ADGRL3: variants seen among roughly 807,000 people sequenced by gnomAD.
ADGRL3 encodes adhesion G protein-coupled receptor L3, also known as calcium-independent alpha-latrotoxin receptor 3.
ADGRL3 carries 62 observed loss-of-function variants against 153.5 expected under a neutral mutation model. The observed-to-expected ratio is 0.40, with a 90% CI of 0.33 to 0.50. ADGRL3 has a LOEUF of 0.50. Ranked by LOEUF, ADGRL3 falls within the 20% of genes least tolerant of loss-of-function variation. ADGRL3 has a pLI of 0.47. For missense variants in ADGRL3, 1,641 were observed against 1,859.4 expected (o/e 0.88, Z 2.16); for synonymous variants, 710 against 672.5 (o/e 1.06, Z -0.86).
intron 6 of ADGRL3, among the ~76,000 whole-genome samples, chr4:61,730,240 G>A (rs978649070): frequency 1.3e-5 from 2 of 151,892 alleles, no homozygotes; most frequent in African/African-American, 2.4e-5. Flanking sequence ...ATTTATAAGT[G>A]AGACTAGTCA....
chr4:61,213,276 T>C (rs1740995410), intron 1 of ADGRL3, among the ~76,000 whole-genome samples: 1 of 152,184 alleles, frequency 6.6e-6, no homozygotes, highest in East Asian at 1.9e-4. Flanking sequence ...CCTTCTATGT[T>C]AATTCCTTGC....
At chr4:61,694,170 T>G (rs2095591566) in intron 6 of ADGRL3, among the ~76,000 whole-genome samples, 1 of 141,128 alleles carries the variant, frequency 7.1e-6, no homozygotes, top group African/African-American at 2.6e-5. Context: ...ATTTTAAAAT[T>G]TTGTCATTAT....
At chr4:61,361,246 A>T (rs1355737294) in intron 1 of ADGRL3, among the ~76,000 whole-genome samples, 1 of 152,144 alleles carries the variant, frequency 6.6e-6, no homozygotes, top group Non-Finnish European at 1.5e-5. Flanking sequence ...AATAATAATT[A>T]TATCATCTGT....
At chr4:62,009,540 A>C (rs908870164) in intron 21 of ADGRL3, among the ~76,000 whole-genome samples, 1 of 152,280 alleles carries the variant, frequency 6.6e-6, no homozygotes, top group African/African-American at 2.4e-5. Context: ...AAAAGAGACT[A>C]AATAGAAATG....
chr4:61,372,793 C>T (rs1362650354), intron 1 of ADGRL3, among the ~76,000 whole-genome samples: 1 of 152,178 alleles, frequency 6.6e-6, no homozygotes, highest in Non-Finnish European at 1.5e-5. Flanking sequence ...TTTACCTAAG[C>T]AAGCCTGGGC....
chr4:61,253,483 GA>G (rs759084272), intron 1 of ADGRL3, among the ~76,000 whole-genome samples: 1 of 151,846 alleles, frequency 6.6e-6, no homozygotes, highest in Non-Finnish European at 1.5e-5. Flanking sequence ...CATTTGTTGG[GA>G]AAAAAGAGAG....
rs1021815942 is a variant in ADGRL3, at chr4:62,022,325, G to C, written c.3396-6530G>C. Reference sequence around the variant, plus strand: ...GAAAAGTTTGTTTGAAGGTAGCAGAGGCTGGTTCATGAGATTTAAGGAAAG... The same window carrying C: ...GAAAAGTTTGTTTGAAGGTAGCAGACGCTGGTTCATGAGATTTAAGGAAAG... On this transcript the variant is annotated intron_variant, in intron 21 of 26. Transcript: ENST00000683033. Among the ~76,000 whole-genome samples, 8 of 152,258 alleles carry C rather than the reference G, an allele frequency of 5.3e-5. No individual in the cohort carries two copies. The East Asian group carries it at 1.5e-3, about 29-fold the overall frequency.
intron 4 of ADGRL3, among the ~76,000 whole-genome samples, chr4:61,566,881 T>C (rs1051928236): frequency 2.0e-5 from 3 of 152,172 alleles, no homozygotes; most frequent in Non-Finnish European, 4.4e-5. Flanking sequence ...TCAACAAAAA[T>C]ATAACATCCT....
intron 4 of ADGRL3, among the ~76,000 whole-genome samples, chr4:61,548,354 C>T (rs1439541330): frequency 6.9e-6 from 1 of 144,200 alleles, no homozygotes; most frequent in Non-Finnish European, 1.6e-5. Flanking sequence ...AAATCTTTGC[C>T]AGGGCCTGTG....
chr4:61,631,181 T>C (rs1439098298), intron 5 of ADGRL3, among the ~76,000 whole-genome samples: 3 of 152,212 alleles, frequency 2.0e-5, no homozygotes, highest in Non-Finnish European at 2.9e-5. Flanking sequence ...TTTCTCAATA[T>C]TTCTAGTGAC....
At chr4:61,259,290 G>A (rs964120790) in intron 1 of ADGRL3, among the ~76,000 whole-genome samples, 3 of 152,056 alleles carry the variant, frequency 2.0e-5, no homozygotes, top group East Asian at 3.9e-4. Flanking sequence ...GGGCGTGGTG[G>A]CGGGCACCTG....
intron 6 of ADGRL3, among the ~76,000 whole-genome samples, chr4:61,702,982 G>A (rs908920083): frequency 2.6e-5 from 4 of 152,006 alleles, no homozygotes; most frequent in Non-Finnish European, 5.9e-5. Flanking sequence ...ATTCACTCTA[G>A]AATCTTGCTT....
intron 1 of ADGRL3, among the ~76,000 whole-genome samples, chr4:61,361,277 A>G (rs2096278041): frequency 6.6e-6 from 1 of 152,144 alleles, no homozygotes; most frequent in Non-Finnish European, 1.5e-5. Context: ...ATGTGTAGAA[A>G]ACAGTGTTAA....
chr4:61,342,705 G>A (rs930554887), intron 1 of ADGRL3, among the ~76,000 whole-genome samples: 4 of 152,044 alleles, frequency 2.6e-5, no homozygotes, highest in African/African-American at 4.8e-5. Context: ...TCTAGCACCC[G>A]TCTCATAGCT....
At chr4:61,537,078 C>T (rs553919750) in intron 4 of ADGRL3, among the ~76,000 whole-genome samples, 6 of 151,648 alleles carry the variant, frequency 4.0e-5, no homozygotes, top group South Asian at 4.2e-4. Context: ...TGTGTCTAGT[C>T]GTGAAGAATT....
chr4:61,324,289 CA>C (rs1449665727), intron 1 of ADGRL3, among the ~76,000 whole-genome samples: 9 of 152,118 alleles, frequency 5.9e-5, no homozygotes, highest in African/African-American at 2.2e-4. Flanking sequence ...TTTCTGTATA[CA>C]CATATGTACC....
chr4:61,648,045 T>A (rs2094104809), intron 5 of ADGRL3, among the ~76,000 whole-genome samples: 1 of 152,328 alleles, frequency 6.6e-6, no homozygotes, highest in Middle Eastern at 3.4e-3. Context: ...CATTTCCTTT[T>A]ATTTCTCATA....
intron 9 of ADGRL3, among the ~76,000 whole-genome samples, chr4:61,833,347 G>T (rs1244670027): frequency 1.3e-5 from 2 of 152,152 alleles, no homozygotes; most frequent in Non-Finnish European, 2.9e-5. Context: ...CAAGACAGGG[G>T]AATTGCAATA....
intron 1 of ADGRL3, among the ~76,000 whole-genome samples, chr4:61,354,734 C>T (rs1042148392): frequency 5.9e-5 from 9 of 152,056 alleles, no homozygotes; most frequent in African/African-American, 2.2e-4. Flanking sequence ...ACAGTGGGTT[C>T]TGAAGAAATT....
Sources: gnomAD v4.1 joint callset for allele counts (sites outside exome capture counted in the v4.1 genomes callset) on GRCh38, gnomAD v4.1.1 for gene constraint, MANE v1.5 for transcripts, NCBI Gene and HGNC (gene_info 2026-07-23, HGNC 2026-07-21) for gene names.